AHCY: variants seen among roughly 807,000 people sequenced by gnomAD.
AHCY encodes adenosylhomocysteinase.
AHCY carries 24 observed loss-of-function variants against 45.4 expected under a neutral mutation model. The ratio of observed to expected loss-of-function variants is 0.53; its 90% CI spans 0.38 to 0.74. AHCY has a LOEUF of 0.74. Ranked by LOEUF, AHCY falls within the 30% of genes least tolerant of loss-of-function variation. AHCY has a pLI of 0.00. For missense variants in AHCY, 449 were observed against 594.1 expected (o/e 0.76, Z 2.54); for synonymous variants, 245 against 235.1 (o/e 1.04, Z -0.39).
intron 1 of AHCY, among the ~76,000 whole-genome samples, chr20:34,296,699 G>A (rs939066683): frequency 1.3e-5 from 2 of 152,136 alleles, no homozygotes; most frequent in African/African-American, 4.8e-5. Context: ...TGGCATGCTT[G>A]TAAATCTCCC....
At chr20:34,263,550 ACT>A in the AHCY span, among the ~76,000 whole-genome samples, 2 of 152,048 alleles carry the variant, frequency 1.3e-5, no homozygotes, top group Non-Finnish European at 1.5e-5. Context: ...CAAGAGTGAA[ACT>A]CTGTCTCAAA....
chr20:34,266,617 GAGCC>G, the AHCY span, among the ~76,000 whole-genome samples: 3 of 151,982 alleles, frequency 2.0e-5, no homozygotes, highest in Non-Finnish European at 2.9e-5. Flanking sequence ...AGGTTGCAGT[GAGCC>G]GAGATGGCAC....
downstream of AHCY, among the ~76,000 whole-genome samples, chr20:34,279,338 A>G (rs948444123): frequency 2.7e-5 from 4 of 149,144 alleles, no homozygotes; most frequent in African/African-American, 4.9e-5. Flanking sequence ...GAAGAATGGC[A>G]TGAACCTGGG....
At chr20:34,299,853 A>T (rs1414326821) in intron 1 of AHCY, among the ~76,000 whole-genome samples, 1 of 152,138 alleles carries the variant, frequency 6.6e-6, no homozygotes, top group Non-Finnish European at 1.5e-5. Context: ...TGAAATATAT[A>T]AGCAATCCAA....
At chr20:34,269,636 GA>G in the AHCY span, among the ~76,000 whole-genome samples, 26 of 147,024 alleles carry the variant, frequency 1.8e-4, no homozygotes, top group East Asian at 6.0e-4. Flanking sequence ...CTCCCCAGGG[GA>G]AAAAAAAAAC....
At chr20:34,263,337 G>C in the AHCY span, among the ~76,000 whole-genome samples, 2 of 152,212 alleles carry the variant, frequency 1.3e-5, no homozygotes, top group African/African-American at 4.8e-5. Flanking sequence ...GGCCAAGGTG[G>C]GTGAATCACC....
chr20:34,232,301 A>T, the AHCY span, among the ~76,000 whole-genome samples: 1 of 152,186 alleles, frequency 6.6e-6, no homozygotes, highest in Non-Finnish European at 1.5e-5. Flanking sequence ...CTATAAGATG[A>T]GGAGGAGCAT....
In AHCY at chr20:34,280,710, C is replaced by T; in HGVS notation, c.*324G>A. On this transcript the variant is annotated 3_prime_UTR_variant, in exon 10 of 10. Coordinates refer to ENST00000217426, the MANE Select transcript of AHCY (RefSeq NM_000687.4). ...CCAGGTGAAGGCCTAGATGGCAAAA[C>T]ACATGGGCTTTGTGACTCCACTACT... The T allele has an allele frequency of 4.9e-6, 2 of 409,192 alleles. No homozygotes were observed. Among genetic ancestry groups the T allele is most frequent in the East Asian group, 1.1e-4 (2 of 18,048 alleles). 25.3% of individuals were successfully genotyped at this position (409,192 alleles called of 1,614,324 possible).
intron 4 of AHCY, 27 bp downstream of exon 4, chr20:34,292,331 C>G (rs1474332492): frequency 6.2e-7 from 1 of 1,609,704 alleles, no homozygotes; most frequent in Admixed American, 1.7e-5. Flanking sequence ...CCACCAGCAC[C>G]CAGCCCACCT....
At chr20:34,262,686 T>G in the AHCY span, 10 of 800,616 alleles carry the variant, frequency 1.2e-5, no homozygotes, top group South Asian at 1.1e-4. Context: ...CCTACTGGCT[T>G]GAGTCCTACA....
chr20:34,304,811 C>T (rs1257979447), upstream of AHCY, among the ~76,000 whole-genome samples: 2 of 151,996 alleles, frequency 1.3e-5, no homozygotes, highest in Non-Finnish European at 2.9e-5. Context: ...GCCTCAGCCT[C>T]CCGAGTAGCT....
the AHCY span, among the ~76,000 whole-genome samples, chr20:34,261,927 A>G: frequency 6.6e-6 from 1 of 152,146 alleles, no homozygotes; most frequent in Admixed American, 6.6e-5. Flanking sequence ...AGCCTGGCCA[A>G]CATGGCAAAA....
chr20:34,289,925 C>T (rs1316575256), intron 8 of AHCY, among the ~76,000 whole-genome samples: 1 of 152,098 alleles, frequency 6.6e-6, no homozygotes, highest in African/African-American at 2.4e-5. Context: ...CCGGCCAAAG[C>T]TGTGTCCTTT....
intron 1 of AHCY, among the ~76,000 whole-genome samples, chr20:34,300,583 G>C (rs866418440): frequency 1.5e-4 from 22 of 151,250 alleles, no homozygotes; most frequent in South Asian, 2.1e-4. Flanking sequence ...CTGGCACACA[G>C]TAGGTGCTGA....
chr20:34,264,788 C>CTT, the AHCY span, among the ~76,000 whole-genome samples: 1 of 117,270 alleles, frequency 8.5e-6, no homozygotes. Context: ...TAGTTTACTT[C>CTT]ATTTTTTTTT....
upstream of AHCY, among the ~76,000 whole-genome samples, chr20:34,304,689 TTG>T (rs987142965): frequency 8.6e-5 from 13 of 151,868 alleles, no homozygotes; most frequent in African/African-American, 3.1e-4. Flanking sequence ...CTGGCTAATT[TTG>T]TTTTTTCTTT....
At chr20:34,258,700 A>ATATATATATATATATACACACACAC in the AHCY span, among the ~76,000 whole-genome samples, 1 of 77,918 alleles carries the variant, frequency 1.3e-5, no homozygotes, top group Non-Finnish European at 2.4e-5. Flanking sequence ...TACATACTAT[A>ATATATATATATATATACACACACAC]TATATATATT....
chr20:34,277,148 G>C (rs1400700862), downstream of AHCY, among the ~76,000 whole-genome samples: 1 of 152,094 alleles, frequency 6.6e-6, no homozygotes, highest in African/African-American at 2.4e-5. Flanking sequence ...GACTGAAAAG[G>C]GATCCCAGCA....
intron 1 of AHCY, among the ~76,000 whole-genome samples, chr20:34,296,551 C>T (rs954133405): frequency 1.3e-5 from 2 of 152,260 alleles, no homozygotes; most frequent in East Asian, 1.9e-4. Context: ...AATTCTCAGG[C>T]AGGAAAGAAG....
Sources: allele counts gnomAD v4.1 joint callset (sites outside exome capture counted in the v4.1 genomes callset), GRCh38; gene constraint gnomAD v4.1.1; transcripts MANE v1.5; gene names NCBI Gene and HGNC (gene_info 2026-07-23, HGNC 2026-07-21).